LAP3: variants seen among roughly 807,000 people sequenced by gnomAD.
LAP3 encodes the protein leucine aminopeptidase 3, also known as cytosol aminopeptidase.
Under a neutral mutation model 58.8 loss-of-function variants are expected in LAP3, and 46 were observed. That is an observed-to-expected ratio of 0.78 (90% CI 0.62 to 1.00). LAP3 has a LOEUF of 1.00. Ranked by LOEUF, LAP3 falls within the 50% of genes least tolerant of loss-of-function variation. The pLI, the probability that LAP3 is intolerant of heterozygous loss-of-function variation, is 0.00. For synonymous variants in LAP3, 257 were observed against 237.7 expected (o/e 1.08, Z -0.75); for missense variants, 615 against 659.1 (o/e 0.93, Z 0.73).
intron 7 of LAP3, among the ~76,000 whole-genome samples, chr4:17,593,453 C>G (rs116249517): frequency 0.012 from 1,889 of 152,130 alleles, 37 homozygotes; most frequent in African/African-American, 0.044. Context: ...GGCTCTGTAT[C>G]CTTTCACCAG....
chr4:17,607,058 C>T (rs1577227108), intron 12 of LAP3, 120 bp downstream of exon 12: 1 of 616,714 alleles, frequency 1.6e-6, no homozygotes, highest in East Asian at 2.9e-5. Context: ...TGGTGTAGTG[C>T]TTGTAAGATT....
At chr4:17,584,943 T>A (rs1006720870) in intron 5 of LAP3, 29 bp from the exon 6 acceptor site, 1 of 1,608,660 alleles carries the variant, frequency 6.2e-7, no homozygotes, top group African/African-American at 1.3e-5. Context: ...AGAGGTTGTT[T>A]GACAGTCACT....
chr4:17,577,815 C>A (rs943690189), intron 1 of LAP3, among the ~76,000 whole-genome samples: 8 of 152,366 alleles, frequency 5.3e-5, no homozygotes, highest in Admixed American at 2.0e-4. Flanking sequence ...TTACCCGGCT[C>A]CACTCGGCCG....
intron 2 of LAP3, 88 bp from the exon 3 acceptor site, chr4:17,581,672 G>A (rs1424213041): frequency 1.1e-6 from 1 of 918,768 alleles, no homozygotes; most frequent in Non-Finnish European, 1.8e-6. Context: ...TAGCAGAATA[G>A]TGTGATAATG....
At chr4:17,599,946 A>G (rs1713944721) in intron 10 of LAP3, among the ~76,000 whole-genome samples, 1 of 152,112 alleles carries the variant, frequency 6.6e-6, no homozygotes, top group South Asian at 2.1e-4. Context: ...GAAGAGCTGT[A>G]AAGGCTGGAG....
chr4:17,582,058 G>A (rs1034775846), intron 3 of LAP3: 1 of 592,288 alleles, frequency 1.7e-6, no homozygotes, highest in Middle Eastern at 4.5e-4. Context: ...TTATTTGCAA[G>A]AGTATCCTCA....
rs1303628175 is a variant in LAP3, at chr4:17,579,835, A to G, written c.114A>G (p.Leu38=). The G allele has an allele frequency of 6.2e-7, 1 of 1,603,436 alleles. No homozygotes were observed. Among genetic ancestry groups the G allele is most frequent in the South Asian group, 1.1e-5 (1 of 90,276 alleles). ...STADMTKGLV[L]GIYSKEKEDD... ...TTGCTTATTCCCAGGGCCTTGTTTT[A>G]GGAATCTATTCCAAAGAAAAAGAAG... Residue 38 remains leucine (L), a synonymous_variant, in exon 2 of 13, where the codon TTA becomes TTG. Coordinates refer to ENST00000226299, the MANE Select transcript of LAP3 (RefSeq NM_015907.3).
chr4:17,593,609 G>GTCTTTT (rs1713753115), intron 7 of LAP3, among the ~76,000 whole-genome samples: 1 of 87,608 alleles, frequency 1.1e-5, no homozygotes, highest in Non-Finnish European at 2.0e-5. Flanking sequence ...ATCTGCTTGG[G>GTCTTTT]TTTTTTTTTT....
rs532259651 is a variant in LAP3, at chr4:17,577,206, A to C, written c.-260A>C. On this transcript the variant is annotated 5_prime_UTR_variant, in exon 1 of 13. An upstream start codon of the reference 5' UTR is lost. Transcript: ENST00000226299. ...CGCCCGCATGCGCGGGCGCACACGA[A>C]TGCGGGCGCACACGAATGCGGGCGC... is the stretch of plus-strand genomic sequence containing the variant. The C allele has an allele frequency of 1.5e-3, 438 of 300,152 alleles. 7 individuals carry two copies. The African/African-American group carries it at 0.016, about 11-fold the overall frequency. The allele number at this position is 300,152 out of a possible 1,614,324, so 18.6% of individuals were successfully genotyped here.
Position 17,604,628 on chromosome 4 carries a change from C to T in LAP3, c.1221C>T (p.Val407=). The change falls in exon 11 of 13, where the codon GTC becomes GTT. Residue 407 remains valine (V), a synonymous_variant. Transcript: ENST00000226299. The part of the protein sequence containing the change: ...DVALGSGATG[V]FTNSSWLWNK... ...CTTTGGGATCAGGTGCCACTGGGGT[C>T]TTTACCAATTCATCCTGGCTCTGGA... The T allele has an allele frequency of 1.2e-6, 2 of 1,613,890 alleles. No individual in the cohort carries two copies. Among genetic ancestry groups the T allele is most frequent in the East Asian group, 4.5e-5 (2 of 44,876 alleles).
In LAP3 at chr4:17,588,805, T is replaced by C; in HGVS notation, c.705-14T>C. 1 of 1,605,342 alleles carries C rather than the reference T, an allele frequency of 6.2e-7. No individual in the cohort carries two copies. Among genetic ancestry groups the C allele is most frequent in the Non-Finnish European group, 8.5e-7 (1 of 1,175,026 alleles). On this transcript the variant is annotated splice_polypyrimidine_tract_variant and intron_variant, in intron 6 of 12. Coordinates refer to ENST00000226299, the MANE Select transcript of LAP3 (RefSeq NM_015907.3). ...TAACAGTATATTTACTTTTTCCCTC[T>C]TTCTACCCTATAGACCCAAGTCTTG...
chr4:17,607,372 G>T (rs2109025476), intron 12 of LAP3, 28 bp from the exon 13 acceptor site: 1 of 1,599,068 alleles, frequency 6.3e-7, no homozygotes. Flanking sequence ...ACATGGGGTT[G>T]TAAAGTGCTT....
At chr4:17,593,897 G>A (rs1713766978) in intron 7 of LAP3, among the ~76,000 whole-genome samples, 1 of 152,104 alleles carries the variant, frequency 6.6e-6, no homozygotes, top group Non-Finnish European at 1.5e-5. Context: ...ACAGGCGTGA[G>A]CCACCACACT....
chr4:17,583,389 C>T (rs1275994428), intron 4 of LAP3, 94 bp from the exon 5 acceptor site: 21 of 1,345,932 alleles, frequency 1.6e-5, no homozygotes, highest in Non-Finnish European at 2.2e-5. Context: ...AACCCCAGGG[C>T]TGTTTTCTCA....
intron 1 of LAP3, among the ~76,000 whole-genome samples, chr4:17,579,533 T>C (rs1460536636): frequency 6.6e-6 from 1 of 152,204 alleles, no homozygotes; most frequent in Non-Finnish European, 1.5e-5. Flanking sequence ...AAACAAAACA[T>C]CTTTCTGCTT....
At chr4:17,600,299 G>A (rs370908011) in intron 10 of LAP3, among the ~76,000 whole-genome samples, 1 of 149,610 alleles carries the variant, frequency 6.7e-6, no homozygotes. Flanking sequence ...TAGTCCACAG[G>A]TCTATTGCTA....
At position 17,577,582 on chromosome 4, in the gene LAP3, C is replaced by T; in HGVS notation, c.102+15C>T. On this transcript the variant is annotated intron_variant, in intron 1 of 12. Transcript: ENST00000226299. ...ACATGACGAAGGTGAGAGGCGGCGG[C>T]TCGCTCATGGTCCGCCGCTGGGGCC... The T allele has an allele frequency of 6.5e-7, 1 of 1,529,394 alleles. No individual in the cohort carries two copies. The highest frequency in any genetic ancestry group is 8.8e-7 in the Non-Finnish European group (1 of 1,134,540). 94.7% of individuals were successfully genotyped at this position (1,529,394 alleles called of 1,614,324 possible).
At chr4:17,586,369 CAG>C (rs763337936) in intron 6 of LAP3, 2 of 152,092 alleles carry the variant, frequency 1.3e-5, no homozygotes, top group African/African-American at 4.8e-5. Context: ...ATGGTTTAGA[CAG>C]AGTGAAGAAA....
At chr4:17,605,036 G>A (rs3815414) in intron 11 of LAP3, among the ~76,000 whole-genome samples, 78,949 of 151,802 alleles carry the variant, frequency 0.52, 23,688 homozygotes, top group East Asian at 0.88. Context: ...CTGCATCGAT[G>A]AGGATGTCTT....
Sources: allele counts gnomAD v4.1 joint callset (sites outside exome capture counted in the v4.1 genomes callset), GRCh38; gene constraint gnomAD v4.1.1; transcripts MANE v1.5; gene names NCBI Gene and HGNC (gene_info 2026-07-23, HGNC 2026-07-21).